Variants in PIK3R3 observed in about 807,000 individuals in gnomAD.
PIK3R3 encodes phosphatidylinositol 3-kinase regulatory subunit gamma.
In PIK3R3, 64 loss-of-function variants were observed where a neutral mutation model predicts 62.9. That is an observed-to-expected ratio of 1.02 (90% confidence interval 0.83 to 1.25). The LOEUF (loss-of-function observed/expected upper bound fraction) is 1.25, where lower values mean the gene tolerates loss of function less well. PIK3R3 is among the 50% of genes most tolerant of loss of function. The probability of loss-of-function intolerance (pLI) is 0.00; values close to 1 mark genes in which losing one functional copy is unlikely to be tolerated. For synonymous variants in PIK3R3, 165 were observed against 189.0 expected, an observed-to-expected ratio of 0.87 and a Z score of 1.04; for missense variants, 614 against 561.6, an observed-to-expected ratio of 1.09 and a Z score of -0.94.
intron 1 of PIK3R3, among the ~76,000 whole-genome samples, chr1:46,110,561 T>C (rs1171045505): frequency 6.6e-6 from 1 of 152,134 alleles, no homozygotes; most frequent in African/African-American, 2.4e-5. Context: ...TTCTCAACCT[T>C]CTAATCTAAA....
At chr1:46,084,125 G>A (rs1042865990) in intron 1 of PIK3R3, among the ~76,000 whole-genome samples, 6 of 152,150 alleles carry the variant, frequency 3.9e-5, no homozygotes, top group Admixed American at 2.0e-4. Flanking sequence ...CAACATGGAC[G>A]AATCTGAAAA....
chr1:46,099,180 A>G (rs1652423795), intron 1 of PIK3R3, among the ~76,000 whole-genome samples: 1 of 152,262 alleles, frequency 6.6e-6, no homozygotes, highest in South Asian at 2.1e-4. Flanking sequence ...AAGTAGTCAA[A>G]GGTACTTTCA....
the PIK3R3 span, among the ~76,000 whole-genome samples, chr1:46,164,170 A>C: frequency 6.6e-6 from 1 of 152,190 alleles, no homozygotes; most frequent in Non-Finnish European, 1.5e-5. Context: ...GGGTGTGGTC[A>C]TAGGCATGTC....
At chr1:46,060,453 G>A (rs942218426) in intron 6 of PIK3R3, among the ~76,000 whole-genome samples, 1 of 152,024 alleles carries the variant, frequency 6.6e-6, no homozygotes, top group Non-Finnish European at 1.5e-5. Flanking sequence ...TGGCACCACT[G>A]CACTCCAGCC....
At chr1:46,174,268 C>T in the PIK3R3 span, among the ~76,000 whole-genome samples, 4 of 152,060 alleles carry the variant, frequency 2.6e-5, no homozygotes, top group Admixed American at 2.6e-4. Context: ...CCCTCTTGGG[C>T]CCTTGAGCAT....
At chr1:46,052,063 G>A (rs545575176) in intron 7 of PIK3R3, among the ~76,000 whole-genome samples, 1 of 152,172 alleles carries the variant, frequency 6.6e-6, no homozygotes, top group East Asian at 1.9e-4. Flanking sequence ...GCGTGAACCC[G>A]GGAGGCGGAG....
At position 46,040,742 on chromosome 1, in the gene PIK3R3, T is replaced by C. The variant is rs928323648; in HGVS notation, c.*2931A>G. 78 of 197,824 alleles carry C rather than the reference T, an allele frequency of 3.9e-4. No individual in the cohort carries two copies. The highest frequency in any genetic ancestry group is 1.6e-3 in the African/African-American group (68 of 43,302). 12.3% of individuals were successfully genotyped at this position (197,824 alleles called of 1,614,324 possible). ...AAAAAAGAGACCCGTGGAAGACACA[T>C]TGGCTCTCAAAGCTTCTTCAAAGCA... On this transcript the variant is annotated 3_prime_UTR_variant, in exon 10 of 10. Transcript: ENST00000262741.
intron 3 of PIK3R3, among the ~76,000 whole-genome samples, chr1:46,071,730 T>TAGAGAGAGAGAGAGAGAGAGAGAGAGAG (rs140765040): frequency 3.4e-5 from 2 of 59,064 alleles, no homozygotes; most frequent in African/African-American, 1.6e-4. Flanking sequence ...TATATATATA[T>TAGAGAGAGAGAGAGAGAGAGAGAGAGAG]AGAGAGAGAG....
chr1:46,165,247 C>T, the PIK3R3 span, among the ~76,000 whole-genome samples: 1 of 152,012 alleles, frequency 6.6e-6, no homozygotes, highest in East Asian at 1.9e-4. Context: ...ACTATTCAAA[C>T]ACCTCTGATG....
At chr1:46,060,762 C>A (rs1648408492) in intron 6 of PIK3R3, among the ~76,000 whole-genome samples, 1 of 152,188 alleles carries the variant, frequency 6.6e-6, no homozygotes, top group African/African-American at 2.4e-5. Context: ...AGCACTTTAA[C>A]CATTAAGCTA....
chr1:46,140,780 G>T, the PIK3R3 span, among the ~76,000 whole-genome samples: 3 of 152,182 alleles, frequency 2.0e-5, no homozygotes, highest in African/African-American at 7.2e-5. Context: ...CCTTGTTTTG[G>T]ACTTCTGGCC....
chr1:46,143,871 C>T, the PIK3R3 span, among the ~76,000 whole-genome samples: 1 of 152,176 alleles, frequency 6.6e-6, no homozygotes, highest in African/African-American at 2.4e-5. Context: ...CTCTACTCTG[C>T]TGTTGAACAT....
chr1:46,075,747 G>T (rs1650010042), intron 3 of PIK3R3, among the ~76,000 whole-genome samples: 1 of 152,196 alleles, frequency 6.6e-6, no homozygotes, highest in Non-Finnish European at 1.5e-5. Flanking sequence ...ATTTATCAGG[G>T]GAATTGGCTC....
At chr1:46,119,769 C>T (rs1654500324) in intron 1 of PIK3R3, among the ~76,000 whole-genome samples, 1 of 147,498 alleles carries the variant, frequency 6.8e-6, no homozygotes, top group South Asian at 2.1e-4. Flanking sequence ...GTAACCAACT[C>T]CTAATTTTTT....
At chr1:46,127,651 A>G (rs535940248) in intron 1 of PIK3R3, among the ~76,000 whole-genome samples, 20 of 152,260 alleles carry the variant, frequency 1.3e-4, no homozygotes, top group South Asian at 1.0e-3. Context: ...CAATTCCCGA[A>G]GTCATAGCAA....
At chr1:46,112,189 T>A (rs1653801814) in intron 1 of PIK3R3, among the ~76,000 whole-genome samples, 1 of 152,242 alleles carries the variant, frequency 6.6e-6, no homozygotes, top group Non-Finnish European at 1.5e-5. Context: ...TTTGGTTTTT[T>A]ATAAAAATGG....
chr1:46,130,649 A>G (rs1314631189), intron 1 of PIK3R3, among the ~76,000 whole-genome samples: 1 of 152,210 alleles, frequency 6.6e-6, no homozygotes, highest in Non-Finnish European at 1.5e-5. Context: ...ACACTTCTTC[A>G]CACTTGCATG....
the PIK3R3 span, among the ~76,000 whole-genome samples, chr1:46,160,083 A>C: frequency 6.6e-6 from 1 of 152,196 alleles, no homozygotes; most frequent in Non-Finnish European, 1.5e-5. Flanking sequence ...TGTCCAAAAT[A>C]GTTGGTTCAT....
In PIK3R3 at chr1:46,118,075, C is replaced by T. The variant is rs77662409; in HGVS notation, c.106+13772G>A. 5.4e-3 allele frequency among the ~76,000 whole-genome samples: 817 copies of T among 152,130 alleles called. 10 individuals carry two copies. The highest frequency in any genetic ancestry group is 0.034 in the East Asian group (177 of 5,186). ...TGGGCAACACAGCAAGACCCAGTCA[C>T]GCACACACAAAAAAACCCACACAGA... On this transcript the variant is annotated intron_variant, in intron 1 of 9. Transcript: ENST00000262741.
Sources: allele counts gnomAD v4.1 joint callset (sites outside exome capture counted in the v4.1 genomes callset), GRCh38; gene constraint gnomAD v4.1.1; transcripts MANE v1.5; gene names NCBI Gene and HGNC (gene_info 2026-07-23, HGNC 2026-07-21).